CACNA1B: variants seen among roughly 807,000 people sequenced by gnomAD.
The protein encoded by CACNA1B is calcium voltage-gated channel subunit alpha1 B.
A neutral mutation model predicts 247.2 loss-of-function variants in CACNA1B; 70 were observed. That is an observed-to-expected ratio of 0.28 (90% CI 0.23 to 0.35). The LOEUF (loss-of-function observed/expected upper bound fraction) is 0.35. Among genes scored for constraint, CACNA1B ranks in the 10% least tolerant of loss-of-function variants. The pLI is 1.00. For synonymous variants in CACNA1B, 1,231 were observed against 1,294.4 expected, an observed-to-expected ratio of 0.95 and a Z score of 1.05; for missense variants, 2,367 against 3,197.4, an observed-to-expected ratio of 0.74 and a Z score of 6.26.
chr9:138,000,315 G>A (rs890838315), intron 15 of CACNA1B, among the ~76,000 whole-genome samples: 3 of 151,976 alleles, frequency 2.0e-5, no homozygotes, highest in Non-Finnish European at 4.4e-5. Flanking sequence ...AGCCAGGATG[G>A]TCTCGATCTC....
At chr9:138,113,096 C>T (rs1401518147) in intron 40 of CACNA1B, among the ~76,000 whole-genome samples, 9 of 135,016 alleles carry the variant, frequency 6.7e-5, no homozygotes, top group African/African-American at 1.7e-4. Flanking sequence ...TGAGGGAGCA[C>T]GGGGAGGTGC....
chr9:138,121,704 A>AC lies in CACNA1B; in HGVS notation c.6730dup (p.Leu2244ProfsTer14). 6.2e-7 allele frequency: 1 copy of AC among 1,612,280 alleles called. No individual in the cohort carries two copies. The highest frequency in any genetic ancestry group is 8.5e-7 in the Non-Finnish European group (1 of 1,179,546). ...GAACACAACGCCCTGCTGCAGAGAGACCCCCTCAGCCAGCCCCTGGCCCCT... is the reference window on the plus strand; with the variant it reads ...GAACACAACGCCCTGCTGCAGAGAGACCCCCCTCAGCCAGCCCCTGGCCCCT... On this transcript the variant is annotated frameshift_variant, in exon 47 of 47. Transcript: ENST00000371372. LOFTEE classifies it high-confidence loss of function. This position sits in a 1 kb window ranked among gnomAD's most constrained non-coding sequence, Gnocchi z 6.8.
rs774798380 is a variant in CACNA1B at position 138,046,928 on chromosome 9, C to T, written c.3438C>T (p.Ile1146=). The change falls in exon 22 of 47, where the codon ATC becomes ATT. Residue 1146 remains isoleucine (I), a synonymous_variant. Transcript: ENST00000371372. ...TNLLRRFCHY[I]VTMRYFEVVI... The stretch of plus-strand genomic sequence containing the variant: ...GGCTCCGCCGCTTCTGCCACTACAT[C>T]GTGACCATGAGGTACTTCGAGGTGG... 1.4e-5 allele frequency: 22 copies of T among 1,613,476 alleles called. No homozygotes were observed. The South Asian group carries it at 1.6e-4, about 12-fold the overall frequency.
rs1960616938 is a variant in CACNA1B at position 138,084,119 on chromosome 9, G to C, written c.5094+5861G>C. On this transcript the variant is annotated intron_variant, in intron 36 of 46. Coordinates refer to ENST00000371372, the MANE Select transcript of CACNA1B (RefSeq NM_000718.4). ...CTCGCCCCCTGGGCCTGAGCTGCTA[G>C]GGAATGGCTTAGAATCAGATCCTGG... Among the ~76,000 whole-genome samples, 4 of 151,144 alleles carry C rather than the reference G, an allele frequency of 2.6e-5. 1 individual carries two copies. The highest frequency in any genetic ancestry group is 2.6e-4 in the Admixed American group (4 of 15,220).
intron 31 of CACNA1B, among the ~76,000 whole-genome samples, chr9:138,062,128 G>A (rs938145115): frequency 2.0e-5 from 3 of 152,196 alleles, no homozygotes; most frequent in South Asian, 2.1e-4. Context: ...CCTAGACCTT[G>A]TTCCCTCCAG....
chr9:138,096,582 G>A lies in CACNA1B; in HGVS notation c.5193G>A (p.Arg1731=), dbSNP rs199602192. 3.7e-6 allele frequency: 6 copies of A among 1,612,904 alleles called. No individual in the cohort carries two copies. The highest frequency in any genetic ancestry group is 5.1e-6 in the Non-Finnish European group (6 of 1,179,486). Residue 1731 remains arginine, a synonymous_variant, in exon 37 of 47, where the codon CGG becomes CGA. Transcript: ENST00000371372. ...CTCACCACTTGGATGAGTTCATCCG[G>A]GTCTGGGCTGAATACGACCCGGCTG... ...LGPHHLDEFI[R]VWAEYDPAAC... is the part of the protein sequence containing the mutation.
At chr9:137,968,485 T>G (rs1958107407) in intron 10 of CACNA1B, among the ~76,000 whole-genome samples, 1 of 152,268 alleles carries the variant, frequency 6.6e-6, no homozygotes, top group African/African-American at 2.4e-5. Flanking sequence ...CTGCGTGATG[T>G]GCACGAGGGC....
intron 36 of CACNA1B, among the ~76,000 whole-genome samples, chr9:138,085,115 T>A (rs1260860193): frequency 6.6e-6 from 1 of 150,556 alleles, no homozygotes; most frequent in Non-Finnish European, 1.5e-5. Flanking sequence ...AGATAGACAA[T>A]GCAATGAAAT....
chr9:138,101,252 A>G (rs1961241745), intron 37 of CACNA1B: 3 of 494,366 alleles, frequency 6.1e-6, no homozygotes, highest in African/African-American at 3.9e-5. Flanking sequence ...CGAAACGCAC[A>G]CAGCACACAC....
intron 20 of CACNA1B, among the ~76,000 whole-genome samples, chr9:138,043,416 G>A (rs886451678): frequency 3.3e-5 from 5 of 152,146 alleles, no homozygotes; most frequent in Admixed American, 2.0e-4. Context: ...CTGCGGGTTC[G>A]AGGTCCCAGC....
intron 3 of CACNA1B, chr9:137,892,111 C>T (rs1451946906): frequency 2.2e-6 from 1 of 457,048 alleles, no homozygotes; most frequent in Non-Finnish European, 4.4e-6. Context: ...GAGAAGTTTC[C>T]CTGCTGGCTC....
Position 138,058,637 on chromosome 9 carries a change from G to C in CACNA1B, c.4377G>C (p.Ser1459=). The C allele has an allele frequency of 1.2e-6, 2 of 1,613,878 alleles. No individual in the cohort carries two copies. Among genetic ancestry groups the C allele is most frequent in the Non-Finnish European group, 1.7e-6 (2 of 1,179,812 alleles). The stretch of plus-strand genomic sequence containing the variant: ...GGTACATGCCCCAAAACCGGCAGTC[G>C]TTCCAGTATAAGACGTGGACATTTG... ...LTRYMPQNRQ[S]FQYKTWTFVV... is the part of the protein sequence containing the mutation. Residue 1459 remains serine (S), a synonymous_variant, in exon 29 of 47, where the codon TCG becomes TCC. Coordinates refer to ENST00000371372, the MANE Select transcript of CACNA1B (RefSeq NM_000718.4). This position sits in a 1 kb window ranked among gnomAD's most constrained non-coding sequence, Gnocchi z 4.7.
chr9:137,952,258 C>T lies in CACNA1B; in HGVS notation c.967-16C>T, dbSNP rs770503871. 2 of 1,607,916 alleles carry T rather than the reference C, an allele frequency of 1.2e-6. No individual in the cohort carries two copies. Among genetic ancestry groups the T allele is most frequent in the South Asian group, 1.1e-5 (1 of 90,944 alleles). On this transcript the variant is annotated splice_polypyrimidine_tract_variant and intron_variant, in intron 6 of 46. Transcript: ENST00000371372. The surrounding 1 kb of genome is among the most constrained non-coding windows in gnomAD (Gnocchi z 4.8). ...TTTGTCCCTGTCCTTCCTCATCTCC[C>T]TCTCCTTGCTTCCAGACAAACGATG...
At chr9:137,942,626 C>CTAT (rs1276576135) in intron 6 of CACNA1B, among the ~76,000 whole-genome samples, 1 of 152,190 alleles carries the variant, frequency 6.6e-6, no homozygotes, top group African/African-American at 2.4e-5. Flanking sequence ...ATATGATGGA[C>CTAT]TACTACTCAG....
In CACNA1B at chr9:137,950,565, G is replaced by A. The variant is rs1317439384; in HGVS notation, c.967-1709G>A. Among the ~76,000 whole-genome samples the A allele has an allele frequency of 6.6e-6, 1 of 152,194 alleles. No homozygotes were observed. The highest frequency in any genetic ancestry group is 1.9e-4 in the East Asian group (1 of 5,186). On this transcript the variant is annotated intron_variant, in intron 6 of 46. Transcript: ENST00000371372. This position sits in a 1 kb window ranked among gnomAD's most constrained non-coding sequence, Gnocchi z 4.8. Reference sequence around the variant, plus strand: ...AGTCTAGGTGCTCCTCTGGGTCTTTGCTGGAAGGGAGGGATGGAGATGGAG... The same window carrying A: ...AGTCTAGGTGCTCCTCTGGGTCTTTACTGGAAGGGAGGGATGGAGATGGAG...
intron 37 of CACNA1B, among the ~76,000 whole-genome samples, chr9:138,098,311 T>G (rs983742520): frequency 6.6e-6 from 1 of 152,148 alleles, no homozygotes; most frequent in Admixed American, 6.5e-5. Flanking sequence ...CTGACCACAT[T>G]GAAGACCTAG....
Position 138,023,830 on chromosome 9 carries a change from G to A in CACNA1B, c.3068+19G>A. 8.0e-7 allele frequency: 1 copy of A among 1,242,852 alleles called. No individual in the cohort carries two copies. Among genetic ancestry groups the A allele is most frequent in the Non-Finnish European group, 1.2e-6 (1 of 868,118 alleles). The allele number at this position is 1,242,852 out of a possible 1,614,324, so 77.0% of individuals were successfully genotyped here. On this transcript the variant is annotated intron_variant, in intron 19 of 46. Coordinates refer to ENST00000371372, the MANE Select transcript of CACNA1B (RefSeq NM_000718.4). ...AGCCCCGGTGAGTCCGCGGCTGGGCGGGGTCAGGGAGGGAAGGGTTGGCCG... is the reference window on the plus strand; with the variant it reads ...AGCCCCGGTGAGTCCGCGGCTGGGCAGGGTCAGGGAGGGAAGGGTTGGCCG...
At chr9:138,043,995 C>T in intron 21 of CACNA1B, 95 bp downstream of exon 21, 6 of 1,470,808 alleles carry the variant, frequency 4.1e-6, no homozygotes, top group Non-Finnish European at 5.6e-6. Flanking sequence ...TGATTCTGCG[C>T]ACTTATGTAG....
At position 138,102,731 on chromosome 9, in the gene CACNA1B, A is replaced by T. The variant is rs1392689031; in HGVS notation, c.5243A>T (p.Asp1748Val). 9 of 1,611,936 alleles carry T rather than the reference A, an allele frequency of 5.6e-6. No individual in the cohort carries two copies. Among genetic ancestry groups the T allele is most frequent in the Non-Finnish European group, 7.6e-6 (9 of 1,178,844 alleles). Reference sequence around the variant, plus strand: ...TCCAGTGGGCGCATCAGTTACAATGACATGTTTGAGATGCTGAAACACATG... The same window carrying T: ...TCCAGTGGGCGCATCAGTTACAATGTCATGTTTGAGATGCTGAAACACATG... ...PAACGRISYN[D>V]MFEMLKHMSP... is the part of the protein sequence containing the mutation. Residue 1748 changes from aspartate to valine, a missense_variant, in exon 38 of 47, where the codon GAC becomes GTC. By Grantham distance (152) the Asp-to-Val change is radical. This residue lies in a region of CACNA1B where 55 missense variants were observed against 107.8 expected (regional missense o/e 0.51). Transcript: ENST00000371372. The surrounding 1 kb of genome is among the most constrained non-coding windows in gnomAD (Gnocchi z 5.4).
Sources: gnomAD v4.1 joint callset for allele counts (sites outside exome capture counted in the v4.1 genomes callset) on GRCh38, gnomAD v4.1.1 for gene constraint, gnomAD v4.1.1 regional missense constraint, Gnocchi (gnomAD v3.1) non-coding constraint, MANE v1.5 for transcripts, NCBI Gene and HGNC (gene_info 2026-07-23, HGNC 2026-07-21) for gene names.